The following MYCBP2 variants were observed in gnomAD, a reference collection of about 807,000 sequenced individuals.
MYCBP2 encodes E3 ubiquitin-protein ligase MYCBP2.
A neutral mutation model predicts 525.3 loss-of-function variants in MYCBP2; 120 were observed. The observed-to-expected ratio is 0.23, with a 90% CI of 0.20 to 0.27. MYCBP2 has a LOEUF of 0.27. Ranked by LOEUF, MYCBP2 falls within the 10% of genes least tolerant of loss-of-function variation. The pLI, the probability that MYCBP2 is intolerant of heterozygous loss-of-function variation, is 1.00. For synonymous variants in MYCBP2, 1,894 were observed against 1,955.8 expected (o/e 0.97, Z 0.83); for missense variants, 4,149 against 5,657.1 (o/e 0.73, Z 8.55).
chr13:77,125,169 T>C (rs2154165277), intron 54 of MYCBP2, among the ~76,000 whole-genome samples, 167 bp downstream of exon 54: 1 of 152,364 alleles, frequency 6.6e-6, no homozygotes, highest in African/African-American at 2.4e-5. Context: ...AGTACTCACG[T>C]ATTTTACAAA....
intron 52 of MYCBP2, among the ~76,000 whole-genome samples, chr13:77,134,718 G>A (rs914373476): frequency 3.3e-5 from 5 of 152,022 alleles, no homozygotes; most frequent in African/African-American, 4.8e-5. Flanking sequence ...TTTTGGAAAC[G>A]ATACAGTCAT....
In MYCBP2 at chr13:77,326,234, C is replaced by T. The variant is rs2082278370; in HGVS notation, c.302+240G>A. On this transcript the variant is annotated intron_variant, in intron 1 of 82. Transcript: ENST00000544440. This position sits in a 1 kb window ranked among gnomAD's most constrained non-coding sequence, Gnocchi z 4.2. ...ACCCCTCACTATCCCCCCACATAGG[C>T]AGGCAGACACACACACACACACACA... Among the ~76,000 whole-genome samples the T allele has an allele frequency of 7.1e-6, 1 of 140,516 alleles. No homozygotes were observed. Among genetic ancestry groups the T allele is most frequent in the African/African-American group, 2.8e-5 (1 of 36,130 alleles). 92.2% of individuals were successfully genotyped at this position (140,516 alleles called of 152,430 possible).
rs2154081891 is a variant in MYCBP2 at position 77,068,825 on chromosome 13, C to T, written c.11911G>A (p.Ala3971Thr). 1.2e-6 allele frequency: 2 copies of T among 1,613,528 alleles called. No individual in the cohort carries two copies. Among genetic ancestry groups the T allele is most frequent in the Middle Eastern group, 3.3e-4 (2 of 6,058 alleles). Reference protein sequence around the residue: ...KLTNLQKQVCAHIVQAIRMEA... With the variant: ...KLTNLQKQVCTHIVQAIRMEA... ...ATGCGAATAGCTTGGACAATATGAG[C>T]ACACACCTATTTAAAGTTAACACAG... The change falls in exon 70 of 83, where the codon GCT (alanine) becomes ACT (threonine). Residue 3971 changes from alanine (A) to threonine (T), a missense_variant. Physicochemically the swap from Ala to Thr is moderately conservative, Grantham distance 58. Transcript: ENST00000544440.
intron 21 of MYCBP2, among the ~76,000 whole-genome samples, chr13:77,212,787 C>T (rs2064202428): frequency 6.6e-6 from 1 of 152,072 alleles, no homozygotes; most frequent in African/African-American, 2.4e-5. Context: ...CTATAGGGAC[C>T]TGGTCAGGTA....
intron 47 of MYCBP2, among the ~76,000 whole-genome samples, chr13:77,147,692 A>C (rs2055826701): frequency 6.6e-6 from 1 of 152,156 alleles, no homozygotes; most frequent in South Asian, 2.1e-4. Context: ...TGAGAAAAGG[A>C]AATCCATGTT....
intron 1 of MYCBP2, among the ~76,000 whole-genome samples, chr13:77,317,999 A>AACATG (rs2081172863): frequency 7.1e-6 from 1 of 140,826 alleles, no homozygotes; most frequent in African/African-American, 2.7e-5. Flanking sequence ...AACATAACAT[A>AACATG]ACATAACAGT....
chr13:77,079,224 C>G (rs1238632225), intron 65 of MYCBP2, among the ~76,000 whole-genome samples: 1 of 152,134 alleles, frequency 6.6e-6, no homozygotes, highest in Admixed American at 6.5e-5. Flanking sequence ...ACTCTTGTTG[C>G]TATATTTTCA....
rs150881630 is a variant in MYCBP2, at chr13:77,307,455, G to A, written c.303-10781C>T. Among the ~76,000 whole-genome samples the A allele has an allele frequency of 1.4e-3, 215 of 149,776 alleles. 1 individual carries two copies. The highest frequency in any genetic ancestry group is 4.5e-3 in the African/African-American group (183 of 40,628). On this transcript the variant is annotated intron_variant, in intron 1 of 82. Transcript: ENST00000544440. ...GGCCTGGGCAACATAGCAAGACCCC[G>A]TCTCTATTAAAAAAAAAAAAATTAG...
intron 52 of MYCBP2, among the ~76,000 whole-genome samples, chr13:77,128,887 T>C (rs2052201111): frequency 6.6e-6 from 1 of 152,036 alleles, no homozygotes; most frequent in Non-Finnish European, 1.5e-5. Context: ...AATAAGTTAG[T>C]TGTGAAAACA....
intron 35 of MYCBP2, 36 bp from the exon 36 acceptor site, chr13:77,176,664 G>T: frequency 6.9e-7 from 1 of 1,450,472 alleles, no homozygotes; most frequent in South Asian, 1.7e-5. Flanking sequence ...AATTCCAACA[G>T]ACTCTTAATT....
intron 1 of MYCBP2, among the ~76,000 whole-genome samples, chr13:77,309,885 G>A (rs1349257851): frequency 6.6e-6 from 1 of 152,090 alleles, no homozygotes; most frequent in African/African-American, 2.4e-5. Context: ...AGGTCGAGGC[G>A]GGCAAATCAC....
At position 77,142,766 on chromosome 13, in the gene MYCBP2, A is replaced by G. The variant is rs191562753; in HGVS notation, c.7303+1679T>C. 1.7e-4 allele frequency among the ~76,000 whole-genome samples: 26 copies of G among 152,316 alleles called. 1 individual carries two copies. In the East Asian group the frequency reaches 5.0e-3, roughly 29 times the overall value. Reference sequence around the variant, plus strand: ...TCTAATCTGAAAACCCCAAATCCAAAATGATCTAAAATCTAAAACCTTTGG... The same window carrying G: ...TCTAATCTGAAAACCCCAAATCCAAGATGATCTAAAATCTAAAACCTTTGG... On this transcript the variant is annotated intron_variant, in intron 49 of 82. Coordinates refer to ENST00000544440, the MANE Select transcript of MYCBP2 (RefSeq NM_015057.5).
intron 26 of MYCBP2, among the ~76,000 whole-genome samples, chr13:77,200,199 G>A (rs1454581688): frequency 3.3e-5 from 5 of 152,068 alleles, no homozygotes; most frequent in South Asian, 2.1e-4. Context: ...GTGCTTAAAG[G>A]AGCTGATGGA....
intron 55 of MYCBP2, among the ~76,000 whole-genome samples, chr13:77,115,513 A>G (rs2049586243): frequency 6.6e-6 from 1 of 151,918 alleles, no homozygotes; most frequent in Non-Finnish European, 1.5e-5. Flanking sequence ...TAACACTTGA[A>G]ATAATTTCTA....
intron 76 of MYCBP2, among the ~76,000 whole-genome samples, chr13:77,060,761 A>G (rs939539209): frequency 6.6e-6 from 1 of 152,222 alleles, no homozygotes. Context: ...ATAAAATCAT[A>G]CAACCTTATA....
rs775273616 is a variant in MYCBP2, at chr13:77,096,396, G to A, written c.9870C>T (p.Gly3290=). The A allele has an allele frequency of 1.2e-6, 2 of 1,613,186 alleles. No individual in the cohort carries two copies. Among genetic ancestry groups the A allele is most frequent in the South Asian group, 2.2e-5 (2 of 91,038 alleles). Residue 3290 remains glycine (G), a synonymous_variant, in exon 57 of 83, where the codon GGC becomes GGT. Coordinates refer to ENST00000544440, the MANE Select transcript of MYCBP2 (RefSeq NM_015057.5). ...GGWAGNCGDG[G]IGGSTWYLVC... ...CCAGATACCAAGTGCTTCCTCCTAT[G>A]CCACCATCACCACAGTTACCAGCCC...
At chr13:77,215,039 T>G (rs947754506) in intron 21 of MYCBP2, among the ~76,000 whole-genome samples, 1 of 152,132 alleles carries the variant, frequency 6.6e-6, no homozygotes, top group Non-Finnish European at 1.5e-5. Flanking sequence ...AACAATGACA[T>G]TCATTACCTC....
At position 77,231,494 on chromosome 13, in the gene MYCBP2, C is replaced by A. The variant is rs148357162; in HGVS notation, c.2737+1662G>T. ...ACTCCTGACCTCAAGTGATCCACCCCCTCAGCCTTCCAAAGTGCTGCAATT... is the reference window on the plus strand; with the variant it reads ...ACTCCTGACCTCAAGTGATCCACCCACTCAGCCTTCCAAAGTGCTGCAATT... On this transcript the variant is annotated intron_variant, in intron 18 of 82. Coordinates refer to ENST00000544440, the MANE Select transcript of MYCBP2 (RefSeq NM_015057.5). Among the ~76,000 whole-genome samples, 157 of 152,270 alleles carry A rather than the reference C, an allele frequency of 1.0e-3. 1 individual carries two copies. Among genetic ancestry groups the A allele is most frequent in the Middle Eastern group, 3.4e-3 (1 of 294 alleles).
At chr13:77,263,316 G>A (rs559471977) in intron 10 of MYCBP2, among the ~76,000 whole-genome samples, 1 of 151,996 alleles carries the variant, frequency 6.6e-6, no homozygotes, top group South Asian at 2.1e-4. Flanking sequence ...TTTTTAAATA[G>A]TTGAAAAATG....
Sources: allele counts gnomAD v4.1 joint callset (sites outside exome capture counted in the v4.1 genomes callset), GRCh38; gene constraint gnomAD v4.1.1; non-coding constraint Gnocchi (gnomAD v3.1); transcripts MANE v1.5; gene names NCBI Gene and HGNC (gene_info 2026-07-23, HGNC 2026-07-21).